Variants in PKD1L3 observed in about 807,000 individuals in gnomAD.
PKD1L3 encodes polycystin-1-like protein 3.
A neutral mutation model predicts 184.1 loss-of-function variants in PKD1L3; 239 were observed. The observed-to-expected ratio is 1.30, with a 90% CI of 1.17 to 1.45. The LOEUF (loss-of-function observed/expected upper bound fraction) is 1.45, where lower values mean the gene tolerates loss of function less well. Ranked by LOEUF, PKD1L3 falls within the 40% of genes most tolerant of loss-of-function variation. The pLI, the probability that PKD1L3 is intolerant of heterozygous loss-of-function variation, is 0.00. For missense variants in PKD1L3, 2,660 were observed against 2,067.2 expected (o/e 1.29, Z -5.56); for synonymous variants, 996 against 778.8 (o/e 1.28, Z -4.64).
intron 12 of PKD1L3, among the ~76,000 whole-genome samples, chr16:71,972,413 A>G (rs572316165): frequency 6.6e-6 from 1 of 151,924 alleles, no homozygotes; most frequent in Admixed American, 6.6e-5. Flanking sequence ...AGTAATCATC[A>G]TCATCCTCCT....
intron 7 of PKD1L3, 62 bp from the exon 8 acceptor site, chr16:71,980,196 A>G (rs1342823548): frequency 1.5e-5 from 22 of 1,509,026 alleles, no homozygotes; most frequent in Admixed American, 2.0e-5. Flanking sequence ...TTAGTAAAAT[A>G]ATGTTTTGGA....
At chr16:71,975,849 A>G (rs2039898193) in intron 11 of PKD1L3, among the ~76,000 whole-genome samples, 1 of 152,252 alleles carries the variant, frequency 6.6e-6, no homozygotes, top group African/African-American at 2.4e-5. Flanking sequence ...AAATCGGAAT[A>G]AAATCAGTGA....
chr16:71,961,500 T>G (rs2039277697), intron 16 of PKD1L3, among the ~76,000 whole-genome samples: 1 of 152,034 alleles, frequency 6.6e-6, no homozygotes, highest in Admixed American at 6.6e-5. Context: ...AACTGCCCAT[T>G]CTGGAGGGAG....
chr16:71,974,268 T>C (rs1396364615), intron 11 of PKD1L3, among the ~76,000 whole-genome samples: 1 of 152,118 alleles, frequency 6.6e-6, no homozygotes, highest in African/African-American at 2.4e-5. Context: ...AGGTGAGTCA[T>C]CCAGTCTCTC....
chr16:71,950,256 C>T lies in PKD1L3; in HGVS notation c.3245G>A (p.Arg1082Lys), dbSNP rs2038779727. The T allele has an allele frequency of 6.4e-7, 1 of 1,551,524 alleles. No homozygotes were observed. Among genetic ancestry groups the T allele is most frequent in the South Asian group, 1.2e-5 (1 of 84,058 alleles). The change falls in exon 20 of 30, where the codon AGG (arginine) becomes AAG (lysine). Residue 1082 changes from arginine (R) to lysine (K), a missense_variant. Physicochemically the swap from Arg to Lys is conservative, Grantham distance 26. Transcript: ENST00000620267. ...CAGCGTGCCTAAGTGAGATTTCAGC[C>T]TCTGCAGAACTCTATGCAGGTAACA... The part of the protein sequence containing the change: ...FCCYLHRVLQ[R>K]LKSHLGTLGL...
At chr16:71,972,189 C>G (rs978782432) in intron 12 of PKD1L3, among the ~76,000 whole-genome samples, 1 of 151,820 alleles carries the variant, frequency 6.6e-6, no homozygotes, top group Non-Finnish European at 1.5e-5. Context: ...GCACCCCAGC[C>G]TGGCCGATAG....
intron 22 of PKD1L3, among the ~76,000 whole-genome samples, chr16:71,945,395 T>C (rs201996737): frequency 0.011 from 427 of 38,630 alleles, 8 homozygotes; most frequent in Admixed American, 0.082. Context: ...TATATATATA[T>C]ATATTTATTT....
intron 4 of PKD1L3, 112 bp from the exon 5 acceptor site, chr16:71,986,581 G>GA: frequency 8.2e-7 from 1 of 1,224,386 alleles, no homozygotes; most frequent in Non-Finnish European, 1.1e-6. Context: ...ATACTAATAG[G>GA]CATTTCTGTT....
At chr16:71,942,050 C>A (rs1407666143) in intron 24 of PKD1L3, among the ~76,000 whole-genome samples, 1 of 151,774 alleles carries the variant, frequency 6.6e-6, no homozygotes, top group Non-Finnish European at 1.5e-5. Context: ...CACGGTGGCT[C>A]ATACCTGTAA....
chr16:71,947,673 C>A (rs1382225027), intron 21 of PKD1L3, 82 bp from the exon 22 acceptor site: 3 of 927,304 alleles, frequency 3.2e-6, no homozygotes, highest in African/African-American at 1.7e-5. Context: ...AAGAGGTGGG[C>A]ACTCATGAAA....
At position 72,000,022 on chromosome 16, in the gene PKD1L3, T is replaced by G. The variant is rs1315064330; in HGVS notation, c.-44A>C. On this transcript the variant is annotated 5_prime_UTR_variant, in exon 1 of 30. Transcript: ENST00000620267. ...AGAAAAAGTGTGGGGGTTTAGCAGC[T>G]GCCTGGTCCTTTAAATATATATATT... is the stretch of plus-strand genomic sequence containing the variant. 2 of 1,396,904 alleles carry G rather than the reference T, an allele frequency of 1.4e-6. No homozygotes were observed. Among genetic ancestry groups the G allele is most frequent in the Admixed American group, 5.4e-5 (2 of 37,244 alleles). The allele number at this position is 1,396,904 out of a possible 1,614,324, so 86.5% of individuals were successfully genotyped here. A position where few individuals can be genotyped will look rare whatever the true frequency, so the allele number is the denominator to read the frequency against.
chr16:71,993,399 T>C, intron 2 of PKD1L3, 67 bp from the exon 3 acceptor site: 1 of 990,214 alleles, frequency 1.0e-6, no homozygotes, highest in Non-Finnish European at 1.5e-6. Context: ...TATAAAACCA[T>C]CATTACATGC....
rs1247934940 is a variant in PKD1L3, at chr16:71,934,030, A to G, written c.4709T>C (p.Leu1570Pro). The G allele has an allele frequency of 6.4e-7, 1 of 1,551,854 alleles. No homozygotes were observed. The highest frequency in any genetic ancestry group is 2.4e-5 in the East Asian group (1 of 40,930). The change falls in exon 27 of 30, where the codon CTG becomes CCG. Residue 1570 changes from leucine (L) to proline (P), a missense_variant. Transcript: ENST00000620267. ...CCGCAGCCTGGGGCTATGACGCAGC[A>G]GGTTCCATAACTGAACAGTTGCCAG... ...VLLATVQLWN[L>P]LRHSPRLRVI...
At chr16:71,968,099 G>C (rs1399499607) in intron 13 of PKD1L3, 92 bp from the exon 14 acceptor site, 4 of 1,018,656 alleles carry the variant, frequency 3.9e-6, no homozygotes, top group Non-Finnish European at 5.8e-6. Flanking sequence ...ATGAACTCCG[G>C]CAGGTGTCTG....
intron 2 of PKD1L3, among the ~76,000 whole-genome samples, chr16:71,993,583 T>C (rs2040674567): frequency 6.6e-6 from 1 of 152,208 alleles, no homozygotes; most frequent in Admixed American, 6.5e-5. Flanking sequence ...TTATGCCTAG[T>C]GTTCCATTAT....
At chr16:71,999,632 G>T in intron 1 of PKD1L3, 52 bp downstream of exon 1, 1 of 1,371,766 alleles carries the variant, frequency 7.3e-7, no homozygotes, top group South Asian at 1.8e-5. Context: ...TTCTGTCCCA[G>T]AATAAAATAT....
In PKD1L3 at chr16:71,929,694, A is replaced by G; in HGVS notation, c.5059-16T>C. 1 of 1,517,210 alleles carries G rather than the reference A, an allele frequency of 6.6e-7. No homozygotes were observed. Among genetic ancestry groups the G allele is most frequent in the Non-Finnish European group, 8.8e-7 (1 of 1,132,818 alleles). 94.0% of individuals were successfully genotyped at this position (1,517,210 alleles called of 1,614,324 possible). ...CAGCTTCTTTCTGAGTATTGAAGAC[A>G]AAAAGAGAAAAGTGAGAAAATTGAA... On this transcript the variant is annotated splice_polypyrimidine_tract_variant and intron_variant, in intron 29 of 29. Transcript: ENST00000620267.
chr16:71,998,591 C>T (rs896872168), intron 1 of PKD1L3, among the ~76,000 whole-genome samples, 197 bp from the exon 2 acceptor site: 2 of 152,166 alleles, frequency 1.3e-5, no homozygotes, highest in Admixed American at 6.5e-5. Context: ...GCTGGGATTA[C>T]AGGCACCCGC....
intron 15 of PKD1L3, among the ~76,000 whole-genome samples, chr16:71,964,309 C>CTTTT (rs772995457): frequency 3.5e-5 from 2 of 56,592 alleles, no homozygotes; most frequent in Non-Finnish European, 6.4e-5. Flanking sequence ...TCGTCAAAAT[C>CTTTT]TTTTTTTTTT....
Sources: gnomAD v4.1 joint callset for allele counts (sites outside exome capture counted in the v4.1 genomes callset) on GRCh38, gnomAD v4.1.1 for gene constraint, MANE v1.5 for transcripts, NCBI Gene and HGNC (gene_info 2026-07-23, HGNC 2026-07-21) for gene names.